The following ASAP1 variants were observed in gnomAD, a reference collection of about 807,000 sequenced individuals.
ASAP1 encodes ArfGAP with SH3 domain, ankyrin repeat and PH domain 1, also known as arf-GAP with SH3 domain, ANK repeat and PH domain-containing protein 1.
A neutral mutation model predicts 145.2 loss-of-function variants in ASAP1; 43 were observed. The observed-to-expected ratio is 0.30, with a 90% confidence interval of 0.23 to 0.38. The LOEUF is 0.38. Ranked by LOEUF, ASAP1 falls within the 10% of genes least tolerant of loss-of-function variation. The probability of loss-of-function intolerance (pLI) is 1.00; values close to 1 mark genes in which losing one functional copy is unlikely to be tolerated. For synonymous variants in ASAP1, 546 were observed against 515.5 expected, an observed-to-expected ratio of 1.06 and a Z score of -0.80; for missense variants, 1,018 against 1,355.3, an observed-to-expected ratio of 0.75 and a Z score of 3.91.
At position 130,112,030 on chromosome 8, in the gene ASAP1, G is replaced by C; in HGVS notation, c.2401+64C>G. On this transcript the variant is annotated intron_variant, in intron 24 of 29. Transcript: ENST00000518721. ...TACCTCAAAGCTGGCTAGACTATCA[G>C]CTCTGAGGATGGAGTCACAAGCCCT... 8 of 1,462,738 alleles carry C rather than the reference G, an allele frequency of 5.5e-6. 1 individual carries two copies. In the South Asian group the frequency reaches 7.1e-5, roughly 13 times the overall value. 90.6% of individuals were successfully genotyped at this position (1,462,738 alleles called of 1,614,324 possible). A position where few individuals can be genotyped will look rare whatever the true frequency, so the allele number is the denominator to read the frequency against.
At chr8:130,195,045 AATT>A (rs1039158698) in intron 5 of ASAP1, 1 of 152,148 alleles carries the variant, frequency 6.6e-6, no homozygotes, top group Non-Finnish European at 1.5e-5. Context: ...TCCATTATAT[AATT>A]ATTTCCCATT....
At chr8:130,122,351 A>G (rs2097567735) in intron 18 of ASAP1, among the ~76,000 whole-genome samples, 1 of 152,218 alleles carries the variant, frequency 6.6e-6, no homozygotes, top group Admixed American at 6.5e-5. Flanking sequence ...TAAGGATTTG[A>G]TCAACAACTA....
intron 18 of ASAP1, 43 bp downstream of exon 18, chr8:130,123,970 T>G: frequency 6.9e-7 from 1 of 1,449,076 alleles, no homozygotes; most frequent in Non-Finnish European, 9.6e-7. Flanking sequence ...GAAAAACAAT[T>G]ATAGAATGGT....
At chr8:130,289,377 T>C (rs1441846049) in intron 3 of ASAP1, among the ~76,000 whole-genome samples, 1 of 152,234 alleles carries the variant, frequency 6.6e-6, no homozygotes. Context: ...TCCTATGTTT[T>C]GTATTTTCCA....
At chr8:130,287,703 AT>A (rs1472480174) in intron 3 of ASAP1, among the ~76,000 whole-genome samples, 1 of 152,240 alleles carries the variant, frequency 6.6e-6, no homozygotes. Context: ...GGTGCAAACT[AT>A]CAGACACAGA....
chr8:130,066,606 CCTT>C (rs1431619387), intron 27 of ASAP1, among the ~76,000 whole-genome samples: 1 of 151,024 alleles, frequency 6.6e-6, no homozygotes, highest in East Asian at 1.9e-4. Context: ...CTCCTTCCTT[CCTT>C]GTTTCTTTTT....
intron 2 of ASAP1, among the ~76,000 whole-genome samples, chr8:130,382,813 C>A (rs1466499481): frequency 6.7e-6 from 1 of 150,198 alleles, no homozygotes; most frequent in African/African-American, 2.5e-5. Context: ...CACCACTGCA[C>A]TTCAACCTGG....
intron 4 of ASAP1, among the ~76,000 whole-genome samples, chr8:130,228,735 G>GA (rs1275363036): frequency 2.4e-4 from 35 of 146,170 alleles, no homozygotes; most frequent in African/African-American, 5.5e-4. Context: ...TCTAAATAAT[G>GA]AAAAAAAACA....
chr8:130,117,665 G>C (rs2097558589), intron 20 of ASAP1, among the ~76,000 whole-genome samples: 1 of 152,166 alleles, frequency 6.6e-6, no homozygotes, highest in Admixed American at 6.5e-5. Flanking sequence ...ATGAGCTATT[G>C]ATCCAGCCAC....
chr8:130,420,235 TACACACACACACACACACACACACACAC>T (rs34138357), intron 1 of ASAP1, among the ~76,000 whole-genome samples: 8 of 139,318 alleles, frequency 5.7e-5, no homozygotes, highest in Non-Finnish European at 9.2e-5. Context: ...CATAATGAAA[TACACACACACACACACACACACACACAC>T]ACACACACAC....
rs183848212 is a variant in ASAP1 at position 130,346,039 on chromosome 8, C to T, written c.186+11978G>A. ...TAAAGCCCAGAGAGGTAGACTTAAC[C>T]GTATTTGGAAAACTTTTTACCAGGT... is the stretch of plus-strand genomic sequence containing the variant. On this transcript the variant is annotated intron_variant, in intron 3 of 29. Transcript: ENST00000518721. 1.5e-3 allele frequency among the ~76,000 whole-genome samples: 226 copies of T among 152,214 alleles called. No homozygotes were observed. The Middle Eastern group carries it at 0.017, about 11-fold the overall frequency.
chr8:130,131,836 T>G (rs2097583644), intron 15 of ASAP1, among the ~76,000 whole-genome samples: 1 of 152,076 alleles, frequency 6.6e-6, no homozygotes, highest in Non-Finnish European at 1.5e-5. Context: ...AATGCGCAAC[T>G]TCAGGGTGGG....
chr8:130,295,220 C>T (rs1214911414), intron 3 of ASAP1, among the ~76,000 whole-genome samples: 3 of 152,144 alleles, frequency 2.0e-5, no homozygotes, highest in Non-Finnish European at 2.9e-5. Flanking sequence ...AAGTTCAAGG[C>T]TACAGTGAGC....
chr8:130,153,338 T>C lies in ASAP1; in HGVS notation c.1011-533A>G, dbSNP rs2097650867. 1.5e-4 allele frequency among the ~76,000 whole-genome samples: 7 copies of C among 46,326 alleles called. No individual in the cohort carries two copies. The Admixed American group carries it at 1.7e-3, about 11-fold the overall frequency. 30.4% of individuals were successfully genotyped at this position (46,326 alleles called of 152,430 possible). ...TGGCCAGCACTGCTTTTTAAATATA[T>C]ATATATATATATATATATATGTATA... On this transcript the variant is annotated intron_variant, in intron 12 of 29. Coordinates refer to ENST00000518721, the MANE Select transcript of ASAP1 (RefSeq NM_018482.4).
At position 130,115,649 on chromosome 8, in the gene ASAP1, G is replaced by A. The variant is rs2097554455; in HGVS notation, c.2151C>T (p.Ser717=). 3.1e-6 allele frequency: 5 copies of A among 1,613,358 alleles called. No homozygotes were observed. The highest frequency in any genetic ancestry group is 1.3e-5 in the African/African-American group (1 of 74,890). Residue 717 remains serine, a synonymous_variant, in exon 23 of 30, where the codon AGC becomes AGT. Transcript: ENST00000518721. ...TCACTTTGTCATCCAGATCATCATC[G>A]CTCTCATCTATCTCCTCCTGTCGAA... ...WNLRQEEIDE[S]DDDLDDKPSP...
At chr8:130,269,959 C>T (rs1185483237) in intron 3 of ASAP1, among the ~76,000 whole-genome samples, 1 of 152,136 alleles carries the variant, frequency 6.6e-6, no homozygotes, top group African/African-American at 2.4e-5. Context: ...CACCTGAGGT[C>T]AGGAGTTCAA....
chr8:130,189,942 G>T (rs1393772840), intron 5 of ASAP1, among the ~76,000 whole-genome samples: 1 of 152,134 alleles, frequency 6.6e-6, no homozygotes, highest in African/African-American at 2.4e-5. Flanking sequence ...TGGGCCATTT[G>T]TAGGTCTTCT....
chr8:130,253,287 T>C (rs1043110062), intron 3 of ASAP1, among the ~76,000 whole-genome samples: 6 of 152,124 alleles, frequency 3.9e-5, no homozygotes, highest in African/African-American at 1.4e-4. Context: ...AACAGGGAAA[T>C]TTATAGTAAT....
intron 13 of ASAP1, among the ~76,000 whole-genome samples, chr8:130,144,042 A>G (rs949860612): frequency 1.3e-5 from 2 of 152,332 alleles, no homozygotes; most frequent in Non-Finnish European, 2.9e-5. Flanking sequence ...TTCACTTCCT[A>G]TGCTAGTGTC....
Sources: gnomAD v4.1 joint callset for allele counts (sites outside exome capture counted in the v4.1 genomes callset) on GRCh38, gnomAD v4.1.1 for gene constraint, MANE v1.5 for transcripts, NCBI Gene and HGNC (gene_info 2026-07-23, HGNC 2026-07-21) for gene names.